CCDC171: variants seen among roughly 807,000 people sequenced by gnomAD.
CCDC171 encodes coiled-coil domain containing 171.
In CCDC171, 177 loss-of-function variants were observed where a neutral mutation model predicts 168.2. The observed-to-expected ratio is 1.05, with a 90% CI of 0.93 to 1.19. The LOEUF (loss-of-function observed/expected upper bound fraction) is 1.19. Among genes scored for constraint, CCDC171 ranks in the 50% most tolerant of loss-of-function variants. The pLI is 0.00. For synonymous variants in CCDC171, 687 were observed against 540.8 expected (o/e 1.27, Z -3.75); for missense variants, 1,991 against 1,539.0 (o/e 1.29, Z -4.91).
chr9:15,775,480 G>T (rs2057272149), intron 18 of CCDC171, among the ~76,000 whole-genome samples: 1 of 152,076 alleles, frequency 6.6e-6, no homozygotes, highest in African/African-American at 2.4e-5. Flanking sequence ...CACCACGCCC[G>T]GCTAATTTTT....
chr9:15,935,625 T>C (rs1827021726), intron 25 of CCDC171, among the ~76,000 whole-genome samples: 1 of 152,066 alleles, frequency 6.6e-6, no homozygotes, highest in Admixed American at 6.6e-5. Context: ...ATACCAGTTA[T>C]GTGAGTCTCA....
intron 6 of CCDC171, among the ~76,000 whole-genome samples, chr9:16,031,220 A>G (rs577337618): frequency 2.0e-5 from 3 of 152,182 alleles, no homozygotes; most frequent in Non-Finnish European, 4.4e-5. Context: ...GCTTCTCCCA[A>G]CTGGAACACC....
At chr9:15,996,198 A>G (rs73645210) in intron 3 of CCDC171, among the ~76,000 whole-genome samples, 142 of 151,870 alleles carry the variant, frequency 9.4e-4, no homozygotes, top group African/African-American at 3.3e-3. Flanking sequence ...CCTTTTTGAC[A>G]TTTTGAACAG....
At chr9:15,931,307 T>A (rs1357675024) in intron 25 of CCDC171, among the ~76,000 whole-genome samples, 1 of 151,868 alleles carries the variant, frequency 6.6e-6, no homozygotes, top group African/African-American at 2.4e-5. Context: ...GATATCTCAT[T>A]GTGGTTTTGA....
chr9:15,986,537 T>A (rs1237578519), intron 3 of CCDC171, among the ~76,000 whole-genome samples: 1 of 152,192 alleles, frequency 6.6e-6, no homozygotes, highest in Non-Finnish European at 1.5e-5. Context: ...TAACCTGCTC[T>A]CGTAAAAATC....
chr9:15,992,192 G>C (rs1025765102), intron 3 of CCDC171, among the ~76,000 whole-genome samples: 1 of 152,198 alleles, frequency 6.6e-6, no homozygotes, highest in African/African-American at 2.4e-5. Context: ...TAAAATACTG[G>C]CAAACTGAAT....
At position 15,820,414 on chromosome 9, in the gene CCDC171, A is replaced by G. The variant is rs2059721747; in HGVS notation, c.3268-26288A>G. Among the ~76,000 whole-genome samples the G allele has an allele frequency of 1.7e-5, 2 of 115,600 alleles. 1 individual carries two copies. The highest frequency in any genetic ancestry group is 3.8e-5 in the Non-Finnish European group (2 of 52,058). 75.8% of individuals were successfully genotyped at this position (115,600 alleles called of 152,430 possible). On this transcript the variant is annotated intron_variant, in intron 21 of 25. Transcript: ENST00000380701. ...AATGAATCCAGGAGCTGGTTTTTTG[A>G]AAAGATCAACAAAATTGATAGACCA...
intron 3 of CCDC171, among the ~76,000 whole-genome samples, chr9:15,575,989 G>T (rs1182677968): frequency 6.6e-6 from 1 of 152,046 alleles, no homozygotes; most frequent in African/African-American, 2.4e-5. Flanking sequence ...CTACTTGGGT[G>T]GCTGAGGTGG....
Position 15,774,246 on chromosome 9 carries a change from TAAAAAAAAAAAAA to T in CCDC171, c.2672-3335_2672-3323del, listed in dbSNP as rs56239417. ...GGGTGACAGAGCAAGACGCTGTCTT[TAAAAAAAAAAAAA>T]AAAAAAAAAAAAAAAAAAGTCATCA... On this transcript the variant is annotated intron_variant, in intron 18 of 25. Transcript: ENST00000380701. Among the ~76,000 whole-genome samples, 38 of 38,022 alleles carry T rather than the reference TAAAAAAAAAAAAA, an allele frequency of 1.0e-3. 1 individual carries two copies. The highest frequency in any genetic ancestry group is 1.5e-3 in the Non-Finnish European group (33 of 21,960). The allele number at this position is 38,022 out of a possible 152,430, so 24.9% of individuals were successfully genotyped here. A position where few individuals can be genotyped will look rare whatever the true frequency, so the allele number is the denominator to read the frequency against.
At chr9:15,705,346 G>A (rs905020832) in intron 11 of CCDC171, among the ~76,000 whole-genome samples, 5 of 152,114 alleles carry the variant, frequency 3.3e-5, no homozygotes, top group South Asian at 2.1e-4. Context: ...GTAAGGTCCT[G>A]TGCTTTACTT....
At chr9:15,990,099 G>A (rs1221312322) in intron 3 of CCDC171, among the ~76,000 whole-genome samples, 4 of 152,048 alleles carry the variant, frequency 2.6e-5, no homozygotes, top group African/African-American at 4.8e-5. Flanking sequence ...TACTCCTCAA[G>A]AAGAGCAACT....
intron 24 of CCDC171, among the ~76,000 whole-genome samples, chr9:15,894,435 TAAAAAA>T (rs973803568): frequency 3.6e-4 from 55 of 152,016 alleles, no homozygotes; most frequent in African/African-American, 1.3e-3. Flanking sequence ...ACTTAAAAGA[TAAAAAA>T]AGAAAAATAT....
chr9:15,809,503 C>T (rs766626213), intron 21 of CCDC171, among the ~76,000 whole-genome samples: 1 of 151,994 alleles, frequency 6.6e-6, no homozygotes, highest in African/African-American at 2.4e-5. Flanking sequence ...GATGTTTGGA[C>T]GTGTTTGGAG....
At chr9:15,586,594 T>C (rs1419611397) in intron 4 of CCDC171, among the ~76,000 whole-genome samples, 1 of 152,014 alleles carries the variant, frequency 6.6e-6, no homozygotes, top group South Asian at 2.1e-4. Context: ...ATAAGTAGGG[T>C]TAGATGAAAG....
At chr9:15,604,837 T>C (rs1461669156) in intron 6 of CCDC171, among the ~76,000 whole-genome samples, 1 of 152,206 alleles carries the variant, frequency 6.6e-6, no homozygotes, top group Non-Finnish European at 1.5e-5. Flanking sequence ...CGTAACAGAA[T>C]AGTATGCAAA....
intron 21 of CCDC171, among the ~76,000 whole-genome samples, chr9:15,791,568 C>G (rs1427122171): frequency 6.6e-6 from 1 of 152,138 alleles, no homozygotes; most frequent in Non-Finnish European, 1.5e-5. Context: ...ACCTCTTTTC[C>G]TAATTGAATA....
At chr9:15,840,908 G>A (rs1307317254) in intron 21 of CCDC171, among the ~76,000 whole-genome samples, 1 of 151,870 alleles carries the variant, frequency 6.6e-6, no homozygotes, top group African/African-American at 2.4e-5. Context: ...AATATATTTT[G>A]AATACTCTTA....
chr9:15,732,799 A>G (rs1430961025), intron 16 of CCDC171, among the ~76,000 whole-genome samples: 1 of 152,070 alleles, frequency 6.6e-6, no homozygotes, highest in Non-Finnish European at 1.5e-5. Flanking sequence ...CTCTTGGGTA[A>G]ATACCTAGGA....
chr9:15,937,371 TAGTG>T (rs1208840023), intron 25 of CCDC171, among the ~76,000 whole-genome samples: 9 of 152,008 alleles, frequency 5.9e-5, no homozygotes, highest in Non-Finnish European at 2.9e-5. Context: ...AATTTTTTCA[TAGTG>T]AGAAAAAAGC....
Sources: gnomAD v4.1 joint callset for allele counts (sites outside exome capture counted in the v4.1 genomes callset) on GRCh38, gnomAD v4.1.1 for gene constraint, MANE v1.5 for transcripts, NCBI Gene and HGNC (gene_info 2026-07-23, HGNC 2026-07-21) for gene names.